ZNF695: variants seen among roughly 807,000 people sequenced by gnomAD.
ZNF695 encodes zinc finger protein SBZF3.
ZNF695 carries 11 observed loss-of-function variants against 11.2 expected under a neutral mutation model. That is an observed-to-expected ratio of 0.98 (90% CI 0.62 to 1.62). The LOEUF (loss-of-function observed/expected upper bound fraction) is 1.62. Ranked by LOEUF, ZNF695 falls within the 40% of genes most tolerant of loss-of-function variation. ZNF695 has a pLI of 0.00. For synonymous variants in ZNF695, 190 were observed against 201.4 expected, an observed-to-expected ratio of 0.94 and a Z score of 0.48; for missense variants, 559 against 590.5, an observed-to-expected ratio of 0.95 and a Z score of 0.55.
intron 4 of ZNF695, among the ~76,000 whole-genome samples, chr1:246,978,784 T>C (rs965406944): frequency 2.6e-5 from 4 of 152,202 alleles, no homozygotes; most frequent in African/African-American, 7.2e-5. Context: ...TCCTTCATGT[T>C]ACTCACTCAG....
chr1:246,982,498 T>C (rs972511437), downstream of ZNF695, among the ~76,000 whole-genome samples: 3 of 152,228 alleles, frequency 2.0e-5, no homozygotes, highest in Non-Finnish European at 4.4e-5. Flanking sequence ...CTGACATGTT[T>C]ATTTACACAC....
At chr1:246,997,019 A>G (rs1669232397) in intron 3 of ZNF695, among the ~76,000 whole-genome samples, 1 of 152,172 alleles carries the variant, frequency 6.6e-6, no homozygotes. Flanking sequence ...TTTGCACCAT[A>G]ATGTCTTGAA....
intron 5 of ZNF695, among the ~76,000 whole-genome samples, chr1:246,953,641 G>T (rs1231678137): frequency 6.7e-6 from 1 of 150,142 alleles, no homozygotes; most frequent in Non-Finnish European, 1.5e-5. Flanking sequence ...ACAAAGAAAT[G>T]GGCCCTGCGT....
chr1:246,970,134 T>C (rs1009955878), intron 4 of ZNF695, among the ~76,000 whole-genome samples: 2 of 152,224 alleles, frequency 1.3e-5, no homozygotes. Context: ...GAGTTTTAAA[T>C]TACGCATTAA....
chr1:246,998,562 G>C (rs949863023), intron 3 of ZNF695, among the ~76,000 whole-genome samples: 7 of 152,172 alleles, frequency 4.6e-5, no homozygotes, highest in Non-Finnish European at 2.9e-5. Flanking sequence ...CACAGGGTAA[G>C]TCATAAAGGA....
intron 5 of ZNF695, among the ~76,000 whole-genome samples, chr1:246,950,650 CAAAAAAAAAAAAAAAA>C (rs200143022): frequency 2.8e-5 from 3 of 105,370 alleles, no homozygotes; most frequent in East Asian, 3.0e-4. Flanking sequence ...AACTCCGTTT[CAAAAAAAAAAAAAAAA>C]AAAAAAAAAA....
At chr1:246,959,305 A>C (rs1308794051) in intron 5 of ZNF695, among the ~76,000 whole-genome samples, 2 of 69,620 alleles carry the variant, frequency 2.9e-5, no homozygotes, top group African/African-American at 1.4e-4. Flanking sequence ...AAAAAAAAAA[A>C]AAAAAATATA....
intron 5 of ZNF695, among the ~76,000 whole-genome samples, chr1:246,960,694 C>A (rs573963021): frequency 6.6e-6 from 1 of 152,166 alleles, no homozygotes; most frequent in African/African-American, 2.4e-5. Context: ...AATCCCAGCA[C>A]TTTGGGAGGC....
rs374304289 is a variant in ZNF695 at position 246,973,119 on chromosome 1, G to A, written c.391-5327C>T. Reference sequence around the variant, plus strand: ...GGCTGGAGTGCAATGGGGCAATCTCGGCTCAACGCAACCTCCACCTCCCAG... The same window carrying A: ...GGCTGGAGTGCAATGGGGCAATCTCAGCTCAACGCAACCTCCACCTCCCAG... On this transcript the variant is annotated intron_variant, in intron 4 of 5. Transcript: ENST00000487338. 6.6e-5 allele frequency among the ~76,000 whole-genome samples: 10 copies of A among 151,426 alleles called. No homozygotes were observed. In the South Asian group the frequency reaches 1.7e-3, roughly 25 times the overall value.
Position 246,985,505 on chromosome 1 carries a change from T to C in ZNF695, c.*1462A>G. On this transcript the variant is annotated 3_prime_UTR_variant, in exon 4 of 4. Transcript: ENST00000339986. ...TTCCACCATGTTACCCACTATTGTA[T>C]TGTTACCATTTGTTACCTACAACCG... 1.4e-5 allele frequency: 14 copies of C among 985,434 alleles called. No homozygotes were observed. Among genetic ancestry groups the C allele is most frequent in the Non-Finnish European group, 1.7e-5 (14 of 829,928 alleles). 61.0% of individuals were successfully genotyped at this position (985,434 alleles called of 1,614,324 possible).
At chr1:246,978,918 G>A (rs888464188) in intron 4 of ZNF695, among the ~76,000 whole-genome samples, 9 of 152,206 alleles carry the variant, frequency 5.9e-5, no homozygotes, top group East Asian at 3.8e-4. Context: ...AGTGGCCCGC[G>A]TGAGATGCAG....
chr1:247,001,649 G>C (rs1194938027), intron 1 of ZNF695, among the ~76,000 whole-genome samples: 1 of 145,230 alleles, frequency 6.9e-6, no homozygotes, highest in South Asian at 2.2e-4. Flanking sequence ...GGAGGCTGAG[G>C]TTGCAGTAAG....
downstream of ZNF695, among the ~76,000 whole-genome samples, chr1:246,982,053 G>A (rs778741893): frequency 2.6e-5 from 4 of 152,130 alleles, no homozygotes; most frequent in South Asian, 2.1e-4. Context: ...GGCGGATCAC[G>A]TGAGGTTGGG....
intron 5 of ZNF695, among the ~76,000 whole-genome samples, chr1:246,956,832 C>T (rs1668013967): frequency 2.6e-5 from 4 of 152,136 alleles, no homozygotes; most frequent in Non-Finnish European, 5.9e-5. Context: ...CAGGCATGAG[C>T]CACTGCGCTG....
downstream of ZNF695, among the ~76,000 whole-genome samples, chr1:246,983,306 C>T (rs940448734): frequency 9.3e-5 from 14 of 150,742 alleles, no homozygotes; most frequent in South Asian, 2.1e-4. Flanking sequence ...GTTGCTTGAG[C>T]GCAGGAGCTT....
Position 246,951,568 on chromosome 1 carries a change from A to G in ZNF695, c.489-5741T>C, listed in dbSNP as rs74152771. Reference sequence around the variant, plus strand: ...ATACATTTCCGATGTTTGAAGGCACACCATTTGTGGTGTTTTGTTATAGCA... The same window carrying G: ...ATACATTTCCGATGTTTGAAGGCACGCCATTTGTGGTGTTTTGTTATAGCA... On this transcript the variant is annotated intron_variant, in intron 5 of 5. Coordinates refer to the ZNF695 transcript ENST00000487338. Among the ~76,000 whole-genome samples the G allele has an allele frequency of 7.6e-3, 1,160 of 152,318 alleles. 19 individuals are homozygous for G. The highest frequency in any genetic ancestry group is 0.026 in the African/African-American group (1,099 of 41,578).
intron 5 of ZNF695, among the ~76,000 whole-genome samples, chr1:246,967,216 G>T (rs1668312257): frequency 6.6e-6 from 1 of 152,192 alleles, no homozygotes; most frequent in South Asian, 2.1e-4. Context: ...GGGATTACAG[G>T]TGTGAGCCAC....
downstream of ZNF695, among the ~76,000 whole-genome samples, chr1:246,982,036 C>T (rs545655868): frequency 4.6e-5 from 7 of 152,138 alleles, no homozygotes; most frequent in South Asian, 4.2e-4. Flanking sequence ...TTTGAGAGGA[C>T]GAGGTGGGCG....
At chr1:246,988,384 T>C (rs943484128) in intron 3 of ZNF695, 129 bp from the exon 4 acceptor site, 4 of 674,672 alleles carry the variant, frequency 5.9e-6, no homozygotes, top group Admixed American at 3.7e-5. Context: ...TATTCCTTCA[T>C]AGTCATAATC....
Sources: gnomAD v4.1 joint callset for allele counts (sites outside exome capture counted in the v4.1 genomes callset) on GRCh38, gnomAD v4.1.1 for gene constraint, MANE v1.5 for transcripts, NCBI Gene and HGNC (gene_info 2026-07-23, HGNC 2026-07-21) for gene names.